Variants in THBS4 observed in about 807,000 individuals in gnomAD.
The protein encoded by THBS4 is thrombospondin-4.
In THBS4, 90 loss-of-function variants were observed where a neutral mutation model predicts 115.7. The observed-to-expected ratio is 0.78, with a 90% CI of 0.66 to 0.93. The LOEUF (loss-of-function observed/expected upper bound fraction) is 0.93. Ranked by LOEUF, THBS4 falls within the 40% of genes least tolerant of loss-of-function variation. THBS4 has a pLI of 0.00. For missense variants in THBS4, 1,087 were observed against 1,232.7 expected (o/e 0.88, Z 1.77); for synonymous variants, 460 against 479.3 (o/e 0.96, Z 0.53).
rs750012329 is a variant in THBS4 at position 80,058,285 on chromosome 5, A to G, written c.620A>G (p.Gln207Arg). The G allele has an allele frequency of 6.4e-7, 1 of 1,568,358 alleles. No individual in the cohort carries two copies. The highest frequency in any genetic ancestry group is 1.2e-5 in the South Asian group (1 of 85,284). ...VASLQDCFLQQSEPLAATGTG... is the reference protein window; with the variant it reads ...VASLQDCFLQRSEPLAATGTG... ...AGCCTGCAAGACTGCTTCCTGCAGC[A>G]GAGTGAGCCACTGGCTGCCACAGGC... The change falls in exon 4 of 22, where the codon CAG becomes CGG. Residue 207 changes from glutamine (Q) to arginine (R), a missense_variant. Physicochemically the swap from Gln to Arg is conservative, Grantham distance 43 (BLOSUM62 1). Transcript: ENST00000350881.
At chr5:80,072,428 G>A in intron 14 of THBS4, 32 bp downstream of exon 14, 6 of 1,582,136 alleles carry the variant, frequency 3.8e-6, no homozygotes, top group Non-Finnish European at 5.2e-6. Flanking sequence ...TCAAACTCCA[G>A]GCTGAATTCC....
intron 1 of THBS4, among the ~76,000 whole-genome samples, chr5:79,997,763 T>C (rs1237586239): frequency 6.6e-6 from 1 of 152,100 alleles, no homozygotes; most frequent in Non-Finnish European, 1.5e-5. Context: ...AAAGCAAACC[T>C]CAACAAAAGT....
At chr5:79,995,279 T>A (rs1413504243) in intron 1 of THBS4, among the ~76,000 whole-genome samples, 1 of 152,206 alleles carries the variant, frequency 6.6e-6, no homozygotes, top group Admixed American at 6.5e-5. Context: ...AGAAGCATTT[T>A]ATAAACCCAT....
chr5:80,040,152 T>C lies in THBS4; in HGVS notation c.164T>C (p.Leu55Pro), dbSNP rs17881847. 1 of 1,614,046 alleles carries C rather than the reference T, an allele frequency of 6.2e-7. No individual in the cohort carries two copies. Among genetic ancestry groups the C allele is most frequent in the Non-Finnish European group, 8.5e-7 (1 of 1,180,032 alleles). The part of the protein sequence containing the change: ...ALLPVLTDPA[L>P]NDLYVISTFK... ...CTGCCAGTCCTGACAGACCCCGCCC[T>C]GAATGATCTCTATGTGATTTCCACC... Residue 55 changes from leucine to proline, a missense_variant, in exon 2 of 22, where the codon CTG becomes CCG. Transcript: ENST00000350881.
chr5:80,036,186 G>A (rs1255794065), intron 1 of THBS4: 4 of 985,334 alleles, frequency 4.1e-6, no homozygotes, highest in Non-Finnish European at 4.8e-6. Context: ...AGGTAAATAG[G>A]AAGGGCTGAG....
At chr5:80,044,359 A>G (rs957176990) in intron 2 of THBS4, among the ~76,000 whole-genome samples, 1 of 152,214 alleles carries the variant, frequency 6.6e-6, no homozygotes, top group Admixed American at 6.5e-5. Context: ...GTGAAAAATG[A>G]CATACACCAT....
chr5:80,075,881 C>G (rs979224335), intron 15 of THBS4: 3 of 152,258 alleles, frequency 2.0e-5, no homozygotes, highest in Non-Finnish European at 2.9e-5. Flanking sequence ...TCACTGGACC[C>G]TTTCTGTCCC....
intron 20 of THBS4, 31 bp from the exon 21 acceptor site, chr5:80,082,375 A>G (rs1164810209): frequency 2.5e-6 from 4 of 1,610,698 alleles, no homozygotes; most frequent in Non-Finnish European, 3.4e-6. Flanking sequence ...GTTGGATTTC[A>G]TGGAGGCCCC....
intron 1 of THBS4, among the ~76,000 whole-genome samples, chr5:79,993,658 G>A (rs1001617945): frequency 6.6e-6 from 1 of 152,232 alleles, no homozygotes; most frequent in Non-Finnish European, 1.5e-5. Context: ...TTCATCTGGT[G>A]ATAGTCATCT....
chr5:80,070,121 C>CT (rs11377619), intron 10 of THBS4, among the ~76,000 whole-genome samples, 185 bp from the exon 11 acceptor site: 87,323 of 151,942 alleles, frequency 0.57, 25,437 homozygotes, highest in Middle Eastern at 0.7. Flanking sequence ...CCCTTTATAT[C>CT]TTTGAATAGT....
chr5:80,018,389 C>CTT (rs35373315), intron 2 of THBS4, among the ~76,000 whole-genome samples: 1,704 of 99,916 alleles, frequency 0.017, 130 homozygotes, highest in African/African-American at 0.06. Flanking sequence ...TTCAAATATA[C>CTT]TTTTTTTTTT....
intron 2 of THBS4, among the ~76,000 whole-genome samples, chr5:80,048,632 ATGTGTGTGTGTG>A (rs56183875): frequency 0.016 from 2,324 of 147,372 alleles, 61 homozygotes; most frequent in African/African-American, 0.055. Context: ...CACTAGATAG[ATGTGTGTGTGTG>A]TGTGTGTGTG....
chr5:80,029,955 G>A (rs938720393), intron 2 of THBS4, among the ~76,000 whole-genome samples: 7 of 151,962 alleles, frequency 4.6e-5, no homozygotes, highest in Non-Finnish European at 2.9e-5. Context: ...GGGCGACAGC[G>A]AGACTCCATC....
At chr5:80,001,000 C>T (rs1831887314) in intron 2 of THBS4, among the ~76,000 whole-genome samples, 1 of 152,036 alleles carries the variant, frequency 6.6e-6, no homozygotes, top group African/African-American at 2.4e-5. Flanking sequence ...TAGATTTATT[C>T]TTCGAGATAA....
chr5:80,077,134 A>T, intron 16 of THBS4, 86 bp downstream of exon 16: 3 of 1,271,952 alleles, frequency 2.4e-6, no homozygotes, highest in Non-Finnish European at 3.2e-6. Context: ...CCAGGCACCA[A>T]CTCAGAATAT....
At chr5:80,065,300 A>C (rs932503637) in intron 8 of THBS4, 109 bp from the exon 9 acceptor site, 1 of 944,738 alleles carries the variant, frequency 1.1e-6, no homozygotes, top group African/African-American at 1.6e-5. Flanking sequence ...TTCTACCCGA[A>C]ATTCCGCATC....
At chr5:80,057,711 C>T (rs565257150) in intron 3 of THBS4, among the ~76,000 whole-genome samples, 1 of 152,192 alleles carries the variant, frequency 6.6e-6, no homozygotes, top group African/African-American at 2.4e-5. Flanking sequence ...TAATATCAAC[C>T]CGTAATATAA....
At chr5:80,037,824 A>G (rs769664761) in intron 1 of THBS4, among the ~76,000 whole-genome samples, 5 of 152,238 alleles carry the variant, frequency 3.3e-5, no homozygotes, top group Non-Finnish European at 5.9e-5. Flanking sequence ...ATTAGTGGAA[A>G]TGTAAAGTTT....
chr5:80,026,104 A>G (rs1832471445), intron 2 of THBS4, among the ~76,000 whole-genome samples: 1 of 152,252 alleles, frequency 6.6e-6, no homozygotes, highest in Non-Finnish European at 1.5e-5. Context: ...ATACATTTCT[A>G]GATCCATACA....
Sources: allele counts gnomAD v4.1 joint callset (sites outside exome capture counted in the v4.1 genomes callset), GRCh38; gene constraint gnomAD v4.1.1; transcripts MANE v1.5; gene names NCBI Gene and HGNC (gene_info 2026-07-23, HGNC 2026-07-21).